The following INPP4B variants were observed in gnomAD, a reference collection of about 807,000 sequenced individuals.
INPP4B encodes the protein inositol polyphosphate-4-phosphatase type II B.
A neutral mutation model predicts 122.5 loss-of-function variants in INPP4B; 55 were observed. The observed-to-expected ratio is 0.45, with a 90% CI of 0.36 to 0.56. The LOEUF (loss-of-function observed/expected upper bound fraction) is 0.56. Among genes scored for constraint, INPP4B ranks in the 20% least tolerant of loss-of-function variants. INPP4B has a pLI of 0.00. For missense variants in INPP4B, 1,000 were observed against 1,097.7 expected (o/e 0.91, Z 1.26); for synonymous variants, 403 against 388.7 (o/e 1.04, Z -0.43).
At chr4:142,092,331 C>A (rs955860233) in intron 23 of INPP4B, among the ~76,000 whole-genome samples, 1 of 151,246 alleles carries the variant, frequency 6.6e-6, no homozygotes, top group African/African-American at 2.4e-5. Flanking sequence ...TACTTTATCA[C>A]CCAGGCTGGA....
At chr4:142,259,471 G>T (rs898429121) in intron 11 of INPP4B, among the ~76,000 whole-genome samples, 3 of 151,544 alleles carry the variant, frequency 2.0e-5, no homozygotes, top group Admixed American at 1.3e-4. Flanking sequence ...TTTTTTAAGT[G>T]TGTATTTTGT....
chr4:142,550,739 C>T, intron 2 of INPP4B, among the ~76,000 whole-genome samples: 1 of 151,944 alleles, frequency 6.6e-6, no homozygotes, highest in East Asian at 1.9e-4. Context: ...GGACCAAGTA[C>T]TTCAAAGCCA....
intron 23 of INPP4B, among the ~76,000 whole-genome samples, chr4:142,092,439 C>T (rs537589849): frequency 6.6e-5 from 10 of 152,156 alleles, no homozygotes; most frequent in Admixed American, 2.6e-4. Flanking sequence ...TACAGGCACC[C>T]GCCATCATGC....
At chr4:142,285,575 A>G (rs1468357497) in intron 9 of INPP4B, among the ~76,000 whole-genome samples, 1 of 98,714 alleles carries the variant, frequency 1.0e-5, no homozygotes, top group African/African-American at 6.7e-5. Flanking sequence ...TATACCAGGT[A>G]TGAAGGGCAG....
At chr4:142,372,159 C>A (rs561972695) in intron 7 of INPP4B, among the ~76,000 whole-genome samples, 1 of 152,058 alleles carries the variant, frequency 6.6e-6, no homozygotes, top group South Asian at 2.1e-4. Context: ...GAGGTCATTA[C>A]GTTAAATGAA....
chr4:142,377,813 T>C (rs1792542664), intron 7 of INPP4B, among the ~76,000 whole-genome samples: 1 of 152,100 alleles, frequency 6.6e-6, no homozygotes, highest in African/African-American at 2.4e-5. Flanking sequence ...TCATTACTCT[T>C]CATAGATTTC....
At chr4:142,610,393 A>G (rs1327631888) in intron 2 of INPP4B, among the ~76,000 whole-genome samples, 2 of 152,206 alleles carry the variant, frequency 1.3e-5, no homozygotes, top group African/African-American at 4.8e-5. Flanking sequence ...ACAGAATAAT[A>G]TATTAATTTA....
intron 2 of INPP4B, among the ~76,000 whole-genome samples, chr4:142,572,515 A>G (rs975077863): frequency 3.9e-5 from 6 of 152,152 alleles, no homozygotes; most frequent in African/African-American, 1.4e-4. Context: ...AGCACAAATC[A>G]GTGAGAAATT....
At chr4:142,186,995 T>C (rs1257453397) in intron 15 of INPP4B, among the ~76,000 whole-genome samples, 1 of 152,114 alleles carries the variant, frequency 6.6e-6, no homozygotes, top group African/African-American at 2.4e-5. Context: ...AAGAGAAACC[T>C]GGTGGGCAGT....
At chr4:142,594,915 A>G (rs554715386) in intron 2 of INPP4B, among the ~76,000 whole-genome samples, 154 of 146,736 alleles carry the variant, frequency 1.0e-3, no homozygotes, top group Non-Finnish European at 1.8e-3. Flanking sequence ...AGATCGCGTC[A>G]CTGCACTCCA....
chr4:142,386,947 C>CT (rs1796154522), intron 7 of INPP4B, among the ~76,000 whole-genome samples: 1 of 152,120 alleles, frequency 6.6e-6, no homozygotes, highest in African/African-American at 2.4e-5. Context: ...CTCAGAGCAG[C>CT]TGGGGATCGT....
At chr4:142,549,280 C>T (rs1465123582) in intron 2 of INPP4B, among the ~76,000 whole-genome samples, 1 of 152,060 alleles carries the variant, frequency 6.6e-6, no homozygotes, top group African/African-American at 2.4e-5. Flanking sequence ...GAAATCTCAT[C>T]CTCCCATACT....
intron 1 of INPP4B, among the ~76,000 whole-genome samples, chr4:142,734,184 C>T (rs942349965): frequency 6.6e-6 from 1 of 151,942 alleles, no homozygotes; most frequent in Non-Finnish European, 1.5e-5. Context: ...GAGAAAGACA[C>T]GAGGGATGCA....
intron 12 of INPP4B, among the ~76,000 whole-genome samples, chr4:142,220,362 T>C (rs111564673): frequency 0.034 from 5,223 of 152,298 alleles, 292 homozygotes; most frequent in African/African-American, 0.12. Flanking sequence ...GTCTTGGCTA[T>C]AGCAACTGCT....
chr4:142,555,128 A>G (rs1361770894), intron 2 of INPP4B, among the ~76,000 whole-genome samples: 2 of 152,210 alleles, frequency 1.3e-5, no homozygotes, highest in African/African-American at 4.8e-5. Context: ...GAATCCAAAT[A>G]TCAGCCTGCA....
intron 1 of INPP4B, among the ~76,000 whole-genome samples, chr4:142,781,028 C>A (rs1774730007): frequency 6.6e-6 from 1 of 152,144 alleles, no homozygotes; most frequent in South Asian, 2.1e-4. Flanking sequence ...AATTTGTGAG[C>A]TAAAAAGTGC....
At chr4:142,188,478 C>G (rs1834157372) in intron 15 of INPP4B, among the ~76,000 whole-genome samples, 1 of 96,610 alleles carries the variant, frequency 1.0e-5, no homozygotes, top group South Asian at 4.0e-4. Flanking sequence ...CAGAGTGAGA[C>G]TCCATCTCAA....
At chr4:142,328,655 CAA>C (rs991454288) in intron 7 of INPP4B, among the ~76,000 whole-genome samples, 8 of 151,998 alleles carry the variant, frequency 5.3e-5, no homozygotes, top group African/African-American at 1.9e-4. Context: ...TTTTCCAAAA[CAA>C]AATTTTCAAA....
intron 1 of INPP4B, among the ~76,000 whole-genome samples, chr4:142,820,234 G>C (rs1402273927): frequency 2.0e-5 from 3 of 152,172 alleles, no homozygotes; most frequent in Non-Finnish European, 4.4e-5. Flanking sequence ...CTGATGAAAG[G>C]TGTTTGGGTC....
Sources: gnomAD v4.1 joint callset for allele counts (sites outside exome capture counted in the v4.1 genomes callset) on GRCh38, gnomAD v4.1.1 for gene constraint, MANE v1.5 for transcripts, NCBI Gene and HGNC (gene_info 2026-07-23, HGNC 2026-07-21) for gene names.